The following ATP9B variants were observed in gnomAD, a reference collection of about 807,000 sequenced individuals.
ATP9B encodes probable phospholipid-transporting ATPase IIB.
A neutral mutation model predicts 146.1 loss-of-function variants in ATP9B; 110 were observed. The observed-to-expected ratio is 0.75, with a 90% CI of 0.65 to 0.88. ATP9B has a LOEUF of 0.88. Ranked by LOEUF, ATP9B falls within the 40% of genes least tolerant of loss-of-function variation. The probability of loss-of-function intolerance (pLI) is 0.00; values close to 1 mark genes in which losing one functional copy is unlikely to be tolerated. For missense variants in ATP9B, 1,499 were observed against 1,496.4 expected (o/e 1.00, Z -0.03); for synonymous variants, 604 against 569.7 (o/e 1.06, Z -0.86).
At chr18:79,370,249 A>G (rs1303916995) in intron 26 of ATP9B, among the ~76,000 whole-genome samples, 1 of 152,242 alleles carries the variant, frequency 6.6e-6, no homozygotes, top group African/African-American at 2.4e-5. Context: ...GGCATTGTGC[A>G]TATTTTATTT....
At chr18:79,233,665 G>A (rs151045564) in intron 11 of ATP9B, among the ~76,000 whole-genome samples, 190 of 152,256 alleles carry the variant, frequency 1.2e-3, no homozygotes, top group African/African-American at 4.1e-3. Context: ...GAGGAATAGG[G>A]TACAAGGAAA....
At chr18:79,223,730 C>T (rs762135549) in intron 11 of ATP9B, among the ~76,000 whole-genome samples, 1 of 152,172 alleles carries the variant, frequency 6.6e-6, no homozygotes, top group Non-Finnish European at 1.5e-5. Context: ...GACAGCTGCT[C>T]ACAATTAGAA....
rs1468487656 is a variant in ATP9B, at chr18:79,315,299, CAG to C, written c.1773+8067_1773+8068del. On this transcript the variant is annotated intron_variant, in intron 15 of 29. Transcript: ENST00000426216. ...AGCAAGACTAATTGTGGGGTTTTGT[CAG>C]ATATATTTGTGAGGAGCAAATCATT... Among the ~76,000 whole-genome samples, 3 of 152,202 alleles carry C rather than the reference CAG, an allele frequency of 2.0e-5. No homozygotes were observed. In the East Asian group the frequency reaches 5.8e-4, roughly 29 times the overall value.
chr18:79,376,124 C>T, intron 29 of ATP9B: 1 of 982,516 alleles, frequency 1.0e-6, no homozygotes, highest in Non-Finnish European at 1.2e-6. Context: ...GAACTGCCAG[C>T]TGCCCTCTGT....
rs748080034 is a variant in ATP9B at position 79,348,119 on chromosome 18, GCT to G, written c.2839-5_2839-4del. 1 of 1,613,820 alleles carries G rather than the reference GCT, an allele frequency of 6.2e-7. No individual in the cohort carries two copies. The highest frequency in any genetic ancestry group is 1.1e-5 in the South Asian group (1 of 91,076). Reference sequence around the variant, plus strand: ...AACTGACAGTTGTCTTCGTCTGTGGGCTCTCTCTCCAGGCTGTGTTTTCCTCA... The same window carrying G: ...AACTGACAGTTGTCTTCGTCTGTGGGCTCTCTCCAGGCTGTGTTTTCCTCA... On this transcript the variant is annotated splice_polypyrimidine_tract_variant and intron_variant, in intron 24 of 29. Transcript: ENST00000426216.
chr18:79,342,668 A>G (rs2096865894), intron 20 of ATP9B, among the ~76,000 whole-genome samples: 1 of 152,062 alleles, frequency 6.6e-6, no homozygotes, highest in Non-Finnish European at 1.5e-5. Flanking sequence ...AATCATGATC[A>G]AAGCTGCTTT....
At chr18:79,185,485 T>C (rs4798897) in intron 8 of ATP9B, among the ~76,000 whole-genome samples, 84,823 of 151,994 alleles carry the variant, frequency 0.56, 25,435 homozygotes, top group African/African-American at 0.79. Flanking sequence ...TGATTAAGGA[T>C]TTTAGTGACA....
At chr18:79,336,850 A>ACCCCATGCTCCTGC in intron 18 of ATP9B, 139 bp downstream of exon 18, 2 of 822,216 alleles carry the variant, frequency 2.4e-6, no homozygotes, top group Non-Finnish European at 3.9e-6. Context: ...CAGCAGGAGC[A>ACCCCATGCTCCTGC]TGGGGTGATC....
At chr18:79,101,498 GTGTGTGTGGA>G (rs2075279009) in intron 2 of ATP9B, among the ~76,000 whole-genome samples, 2 of 152,172 alleles carry the variant, frequency 1.3e-5, no homozygotes, top group South Asian at 4.1e-4. Flanking sequence ...GTGTACATTT[GTGTGTGTGGA>G]TGTGTGTGGA....
intron 8 of ATP9B, among the ~76,000 whole-genome samples, chr18:79,186,606 C>T (rs1482551680): frequency 6.6e-6 from 1 of 152,156 alleles, no homozygotes; most frequent in Non-Finnish European, 1.5e-5. Context: ...TGCCTTATCC[C>T]TGGAATCACT....
In ATP9B at chr18:79,373,843, C is replaced by G. The variant is rs573179893; in HGVS notation, c.3071-55C>G. On this transcript the variant is annotated intron_variant, in intron 27 of 29. Coordinates refer to ENST00000426216, the MANE Select transcript of ATP9B (RefSeq NM_198531.5). ...CGTTGCTGGTTCAAGGCTGTTTCCT[C>G]TAGCTGGCTTACACCCTGCTCGTGT... is the stretch of plus-strand genomic sequence containing the variant. 31 of 1,592,994 alleles carry G rather than the reference C, an allele frequency of 1.9e-5. 1 individual carries two copies. In the South Asian group the frequency reaches 3.4e-4, roughly 18 times the overall value.
In ATP9B at chr18:79,213,965, C is replaced by A. The variant is rs768596598; in HGVS notation, c.1034C>A (p.Thr345Asn). The change falls in exon 11 of 30, where the codon ACT becomes AAT. Residue 345 changes from threonine to asparagine, a missense_variant. Transcript: ENST00000426216. Reference sequence around the variant, plus strand: ...GACCACTTTCATGTTTTTGCAGGTACTGTAATAGGTGTTGTCATTTATACC... The same window carrying A: ...GACCACTTTCATGTTTTTGCAGGTAATGTAATAGGTGTTGTCATTTATACC... ...LWASTIVASG[T>N]VIGVVIYTGK... 3.1e-6 allele frequency: 5 copies of A among 1,598,344 alleles called. No individual in the cohort carries two copies. Among genetic ancestry groups the A allele is most frequent in the Non-Finnish European group, 4.3e-6 (5 of 1,174,846 alleles).
intron 11 of ATP9B, among the ~76,000 whole-genome samples, chr18:79,243,473 T>C (rs941450422): frequency 6.6e-6 from 1 of 152,232 alleles, no homozygotes; most frequent in Non-Finnish European, 1.5e-5. Flanking sequence ...GAGAATGGGA[T>C]GGAGATCTTC....
At chr18:79,313,792 C>A (rs903264292) in intron 15 of ATP9B, among the ~76,000 whole-genome samples, 2 of 152,144 alleles carry the variant, frequency 1.3e-5, no homozygotes, top group Admixed American at 6.5e-5. Flanking sequence ...TGTCTTTCTA[C>A]TTGGGAAATT....
intron 26 of ATP9B, among the ~76,000 whole-genome samples, chr18:79,371,130 T>G (rs2097066917): frequency 6.6e-6 from 1 of 152,102 alleles, no homozygotes; most frequent in Non-Finnish European, 1.5e-5. Context: ...TCCCAGCACT[T>G]TGGGAGGCCG....
chr18:79,132,891 TTG>T (rs1363221375), intron 5 of ATP9B, among the ~76,000 whole-genome samples: 1 of 152,234 alleles, frequency 6.6e-6, no homozygotes, highest in Non-Finnish European at 1.5e-5. Flanking sequence ...TAAATACGCT[TTG>T]TTTGGAAGCA....
intron 13 of ATP9B, among the ~76,000 whole-genome samples, chr18:79,280,486 A>G (rs549614194): frequency 6.6e-6 from 1 of 152,364 alleles, no homozygotes; most frequent in East Asian, 1.9e-4. Flanking sequence ...TGTGTACTTA[A>G]TAAAATAGTT....
chr18:79,212,041 CCA>C, intron 10 of ATP9B, among the ~76,000 whole-genome samples: 1 of 152,278 alleles, frequency 6.6e-6, no homozygotes, highest in East Asian at 1.9e-4. Context: ...ATTTCGCAAT[CCA>C]CAGTTAATCC....
intron 11 of ATP9B, among the ~76,000 whole-genome samples, chr18:79,248,638 G>C (rs2095992784): frequency 3.3e-5 from 5 of 152,218 alleles, no homozygotes; most frequent in Admixed American, 2.6e-4. Context: ...CTAGTGCAGA[G>C]TAGCATGAAT....
Sources: allele counts gnomAD v4.1 joint callset (sites outside exome capture counted in the v4.1 genomes callset), GRCh38; gene constraint gnomAD v4.1.1; transcripts MANE v1.5; gene names NCBI Gene and HGNC (gene_info 2026-07-23, HGNC 2026-07-21).